The following HSBP1L1 variants were observed in gnomAD, a reference collection of about 807,000 sequenced individuals.
HSBP1L1 encodes heat shock factor binding protein 1 like 1.
In HSBP1L1, 8 loss-of-function variants were observed where a neutral mutation model predicts 9.7. That is an observed-to-expected ratio of 0.82 (90% CI 0.48 to 1.48). The LOEUF is 1.48. Among genes scored for constraint, HSBP1L1 ranks in the 40% most tolerant of loss-of-function variants. HSBP1L1 has a pLI of 0.00. For synonymous variants in HSBP1L1, 39 were observed against 34.4 expected, an observed-to-expected ratio of 1.13 and a Z score of -0.46; for missense variants, 106 against 95.8, an observed-to-expected ratio of 1.11 and a Z score of -0.44.
rs765667014 is a variant in HSBP1L1 at position 79,966,598 on chromosome 18, GTTTAT to G, written c.52-10_52-6del. The stretch of plus-strand genomic sequence containing the variant: ...TAAATATTTATTCAATTGTCTTACG[GTTTAT>G]TTTTTCAGGCAGAAAATCTATTTCA... On this transcript the variant is annotated splice_polypyrimidine_tract_variant and intron_variant, in intron 1 of 3. Coordinates refer to ENST00000451882, the MANE Select transcript of HSBP1L1 (RefSeq NM_001136180.2). The G allele has an allele frequency of 2.4e-5, 37 of 1,541,310 alleles. No homozygotes were observed. The highest frequency in any genetic ancestry group is 3.3e-4 in the Middle Eastern group (2 of 5,972).
In HSBP1L1 at chr18:79,970,770, T is replaced by C. The variant is rs373626108; in HGVS notation, c.*319T>C. 5 of 304,676 alleles carry C rather than the reference T, an allele frequency of 1.6e-5. 1 individual carries two copies. Among genetic ancestry groups the C allele is most frequent in the Middle Eastern group, 2.1e-3 (2 of 968 alleles). 18.9% of individuals were successfully genotyped at this position (304,676 alleles called of 1,614,324 possible). A position where few individuals can be genotyped will look rare whatever the true frequency, so the allele number is the denominator to read the frequency against. ...GGCAGTCCTGGGCAGACTAATACAA[T>C]ATGCAACACATTTACAATAAATATA... is the stretch of plus-strand genomic sequence containing the variant. On this transcript the variant is annotated 3_prime_UTR_variant, in exon 4 of 4. Coordinates refer to ENST00000451882, the MANE Select transcript of HSBP1L1 (RefSeq NM_001136180.2).
chr18:79,970,095 C>T (rs1314806418), intron 3 of HSBP1L1: 2 of 242,058 alleles, frequency 8.3e-6, no homozygotes, highest in East Asian at 8.3e-5. Context: ...GTGCCACAGA[C>T]GAGGCAAGGC....
Position 79,970,567 on chromosome 18 carries a change from G to C in HSBP1L1, c.*116G>C. On this transcript the variant is annotated 3_prime_UTR_variant, in exon 4 of 4. Transcript: ENST00000451882. ...TCGTCTTTCTGAGAAGAGACGCAAG[G>C]GGCTCGCCTGCTCTCCCCTCCGTGC... 4.7e-6 allele frequency: 3 copies of C among 632,112 alleles called. No homozygotes were observed. The highest frequency in any genetic ancestry group is 8.8e-6 in the Non-Finnish European group (3 of 342,328). The allele number at this position is 632,112 out of a possible 1,614,324, so 39.2% of individuals were successfully genotyped here.
chr18:79,966,051 C>G (rs1483359581), intron 1 of HSBP1L1, among the ~76,000 whole-genome samples: 2 of 152,048 alleles, frequency 1.3e-5, no homozygotes, highest in Non-Finnish European at 2.9e-5. Flanking sequence ...CCTGCCTCAG[C>G]CTCCCGAGTA....
chr18:79,968,323 C>A, intron 3 of HSBP1L1, 140 bp downstream of exon 3: 1 of 605,632 alleles, frequency 1.7e-6, no homozygotes, highest in Non-Finnish European at 2.9e-6. Context: ...TAATAAATTT[C>A]CAAATGCTCT....
intron 3 of HSBP1L1, among the ~76,000 whole-genome samples, chr18:79,969,291 GGA>G (rs1568356463): frequency 7.3e-5 from 2 of 27,284 alleles, no homozygotes; most frequent in Non-Finnish European, 1.4e-4. Context: ...AGGGAGGGAG[GGA>G]GGGAGAGAGA....
intron 3 of HSBP1L1, among the ~76,000 whole-genome samples, chr18:79,969,371 GAAAGAAAGAAAGAAAGAAAGAAAA>G (rs2051281164): frequency 2.0e-5 from 1 of 50,112 alleles, no homozygotes; most frequent in African/African-American, 5.0e-5. Context: ...AAGAAAGAAA[GAAAGAAAGAAAGAAAGAAAGAAAA>G]AAAAACGATG....
chr18:79,970,319 TATG>T, intron 3 of HSBP1L1, 118 bp from the exon 4 acceptor site: 1 of 685,444 alleles, frequency 1.5e-6, no homozygotes, highest in Admixed American at 2.1e-5. Context: ...TCCAAATCAT[TATG>T]ATTTCAACTG....
At chr18:79,966,261 G>C (rs2051256658) in intron 1 of HSBP1L1, among the ~76,000 whole-genome samples, 1 of 151,950 alleles carries the variant, frequency 6.6e-6, no homozygotes, top group South Asian at 2.1e-4. Flanking sequence ...TGTCATACGT[G>C]GGCCAGGTGT....
At chr18:79,967,165 AG>A (rs1163326443) in intron 2 of HSBP1L1, among the ~76,000 whole-genome samples, 104 of 134,196 alleles carry the variant, frequency 7.7e-4, no homozygotes, top group Admixed American at 1.7e-3. Flanking sequence ...AAAAAAAAAA[AG>A]CTCTACCTCC....
chr18:79,969,309 A>AGAGG (rs151314869), intron 3 of HSBP1L1, among the ~76,000 whole-genome samples: 4 of 44,216 alleles, frequency 9.0e-5, no homozygotes, highest in African/African-American at 8.3e-5. Context: ...AGAGAGAGAG[A>AGAGG]AAGGAAAGAA....
intron 1 of HSBP1L1, 30 bp downstream of exon 1, chr18:79,964,816 C>A: frequency 7.8e-7 from 1 of 1,288,162 alleles, no homozygotes; most frequent in Admixed American, 4.3e-5. Flanking sequence ...CTGCTTCTCT[C>A]TGGATGGGGG....
At position 79,966,689 on chromosome 18, in the gene HSBP1L1, C is replaced by T. The variant is rs1478671906; in HGVS notation, c.118+11C>T. On this transcript the variant is annotated intron_variant, in intron 2 of 3. Coordinates refer to ENST00000451882, the MANE Select transcript of HSBP1L1 (RefSeq NM_001136180.2). The stretch of plus-strand genomic sequence containing the variant: ...CATTAAACCTCAGAAATATCCTTTT[C>T]TACCTTTAACAAATGCTGTGATTCT... 2 of 1,527,158 alleles carry T rather than the reference C, an allele frequency of 1.3e-6. No individual in the cohort carries two copies. Among genetic ancestry groups the T allele is most frequent in the Non-Finnish European group, 1.8e-6 (2 of 1,125,868 alleles). The allele number at this position is 1,527,158 out of a possible 1,614,324, so 94.6% of individuals were successfully genotyped here.
intron 3 of HSBP1L1, among the ~76,000 whole-genome samples, chr18:79,969,289 AGGGAGG>A (rs1274932268): frequency 0.037 from 818 of 21,970 alleles, 50 homozygotes; most frequent in Non-Finnish European, 0.05. Context: ...GGAGGGAGGG[AGGGAGG>A]GAGAGAGAGA....
intron 1 of HSBP1L1, among the ~76,000 whole-genome samples, chr18:79,966,306 G>GATCT (rs1315839092): frequency 2.8e-4 from 42 of 152,284 alleles, no homozygotes; most frequent in African/African-American, 1.0e-3. Context: ...CACTTTGGGA[G>GATCT]GTCAAGGTGG....
chr18:79,968,239 C>A, intron 3 of HSBP1L1, 56 bp downstream of exon 3: 1 of 1,009,324 alleles, frequency 9.9e-7, no homozygotes, highest in Non-Finnish European at 1.5e-6. Context: ...CTGCTTTCAT[C>A]TTGAAACATA....
chr18:79,968,332 C>G (rs1208825381), intron 3 of HSBP1L1, 149 bp downstream of exon 3: 1 of 599,978 alleles, frequency 1.7e-6, no homozygotes, highest in Non-Finnish European at 2.9e-6. Context: ...TCCAAATGCT[C>G]TCTTCTTTTT....
chr18:79,965,761 T>C (rs371136075), intron 1 of HSBP1L1, among the ~76,000 whole-genome samples: 1 of 152,100 alleles, frequency 6.6e-6, no homozygotes, highest in Non-Finnish European at 1.5e-5. Context: ...CCTGCATTCA[T>C]GGTGTGTGGT....
At chr18:79,965,323 T>C (rs890580289) in intron 1 of HSBP1L1, among the ~76,000 whole-genome samples, 1 of 152,190 alleles carries the variant, frequency 6.6e-6, no homozygotes, top group African/African-American at 2.4e-5. Flanking sequence ...AAGGAATGTG[T>C]TGGGCGTTGT....
Sources: gnomAD v4.1 joint callset for allele counts (sites outside exome capture counted in the v4.1 genomes callset) on GRCh38, gnomAD v4.1.1 for gene constraint, MANE v1.5 for transcripts, NCBI Gene and HGNC (gene_info 2026-07-23, HGNC 2026-07-21) for gene names.